The following GFM1 variants were observed in gnomAD, a reference collection of about 807,000 sequenced individuals.
GFM1 encodes the protein G elongation factor mitochondrial 1, also known as elongation factor G, mitochondrial.
A neutral mutation model predicts 96.2 loss-of-function variants in GFM1; 62 were observed. The ratio of observed to expected loss-of-function variants is 0.64; its 90% CI spans 0.53 to 0.80. The LOEUF is 0.80. Among genes scored for constraint, GFM1 ranks in the 30% least tolerant of loss-of-function variants. GFM1 has a pLI of 0.00. For missense variants in GFM1, 852 were observed against 916.6 expected, an observed-to-expected ratio of 0.93 and a Z score of 0.91; for synonymous variants, 282 against 312.9, an observed-to-expected ratio of 0.90 and a Z score of 1.04.
At chr3:158,664,688 C>T (rs1256601177) in intron 11 of GFM1, among the ~76,000 whole-genome samples, 1 of 152,166 alleles carries the variant, frequency 6.6e-6, no homozygotes, top group Non-Finnish European at 1.5e-5. Context: ...TAATTGATAA[C>T]AATCTCCCCA....
intron 15 of GFM1, 156 bp downstream of exon 15, chr3:158,684,824 G>A: frequency 2.9e-6 from 2 of 693,760 alleles, no homozygotes; most frequent in Non-Finnish European, 5.0e-6. Context: ...TTGAGATCAA[G>A]GTAGATTATT....
rs1726345700 is a variant in GFM1 at position 158,691,810 on chromosome 3, T to C, written c.*343T>C. 3 of 216,318 alleles carry C rather than the reference T, an allele frequency of 1.4e-5. No homozygotes were observed. In the East Asian group the frequency reaches 3.7e-4, roughly 27 times the overall value. The allele number at this position is 216,318 out of a possible 1,614,324, so 13.4% of individuals were successfully genotyped here. On this transcript the variant is annotated 3_prime_UTR_variant, in exon 18 of 18. Coordinates refer to ENST00000486715, the MANE Select transcript of GFM1 (RefSeq NM_024996.7). ...TAGAATGTATGTTCATTTCCAAATT[T>C]TGTATCATAAGAGTTTTCAACATAG...
At chr3:158,675,493 A>T (rs1167368694) in intron 13 of GFM1, among the ~76,000 whole-genome samples, 2 of 152,040 alleles carry the variant, frequency 1.3e-5, no homozygotes, top group Non-Finnish European at 2.9e-5. Flanking sequence ...TTATTACATA[A>T]TGATAAAATA....
chr3:158,649,502 T>A (rs1297289774), intron 5 of GFM1: 1 of 233,938 alleles, frequency 4.3e-6, no homozygotes. Flanking sequence ...TGTGGACTTT[T>A]ATAGAGCAGC....
chr3:158,649,127 A>G lies in GFM1; in HGVS notation c.659A>G (p.Glu220Gly). The G allele has an allele frequency of 6.7e-7, 1 of 1,501,964 alleles. No individual in the cohort carries two copies. The highest frequency in any genetic ancestry group is 9.3e-7 in the Non-Finnish European group (1 of 1,078,810). 93.0% of individuals were successfully genotyped at this position (1,501,964 alleles called of 1,614,324 possible). ...NFKGIVDLIE[E>G]RAIYFDGDFG... ...AAAGGTATTGTAGATCTTATTGAGG[A>G]ACGAGCCATCTATTTTGATGGAGAC... The change falls in exon 5 of 18, where the codon GAA becomes GGA. Residue 220 changes from glutamate to glycine, a missense_variant. By Grantham distance (98) the Glu-to-Gly change is moderately conservative (BLOSUM62 -2). Coordinates refer to ENST00000486715, the MANE Select transcript of GFM1 (RefSeq NM_024996.7).
chr3:158,664,045 A>G (rs2082157), intron 11 of GFM1, among the ~76,000 whole-genome samples: 63,191 of 152,016 alleles, frequency 0.42, 14,289 homozygotes, highest in African/African-American at 0.6. Flanking sequence ...CCTTGAACAA[A>G]TCACTTAACC....
intron 5 of GFM1, chr3:158,649,678 T>G (rs569129267): frequency 1.8e-4 from 50 of 278,942 alleles, no homozygotes; most frequent in African/African-American, 1.0e-3. Flanking sequence ...GGTAACTTTT[T>G]GATGTGGTAT....
At chr3:158,670,967 A>G in intron 13 of GFM1, 1 of 1,539,016 alleles carries the variant, frequency 6.5e-7, no homozygotes. Flanking sequence ...TTTTTGTATA[A>G]TTTCTTCAAC....
chr3:158,668,315 T>C (rs1242696258), intron 13 of GFM1, among the ~76,000 whole-genome samples: 1 of 152,184 alleles, frequency 6.6e-6, no homozygotes, highest in Non-Finnish European at 1.5e-5. Context: ...ATAGTTGTTA[T>C]ATTACTTAGG....
At chr3:158,672,689 C>G in intron 13 of GFM1, 3 of 494,006 alleles carry the variant, frequency 6.1e-6, no homozygotes, top group Non-Finnish European at 1.1e-5. Context: ...GGGCTGACTG[C>G]TTCTGAGGCC....
Position 158,654,196 on chromosome 3 carries a change from T to C in GFM1, c.999-351T>C, listed in dbSNP as rs547576053. Among the ~76,000 whole-genome samples, 56 of 145,078 alleles carry C rather than the reference T, an allele frequency of 3.9e-4. No homozygotes were observed. The South Asian group carries it at 0.013, about 33-fold the overall frequency. On this transcript the variant is annotated intron_variant, in intron 7 of 17. Coordinates refer to ENST00000486715, the MANE Select transcript of GFM1 (RefSeq NM_024996.7). The stretch of plus-strand genomic sequence containing the variant: ...TCACTATGTAGTAACTAAGCTAAGC[T>C]CTAAAGACCTTTTTTTTTTTTTTTT...
chr3:158,690,025 G>A lies in GFM1; in HGVS notation c.1910-138G>A. 8.3e-6 allele frequency: 6 copies of A among 719,574 alleles called. No homozygotes were observed. The South Asian group carries it at 9.6e-5, about 11-fold the overall frequency. The allele number at this position is 719,574 out of a possible 1,614,324, so 44.6% of individuals were successfully genotyped here. A position where few individuals can be genotyped will look rare whatever the true frequency, so the allele number is the denominator to read the frequency against. On this transcript the variant is annotated intron_variant, in intron 15 of 17. Coordinates refer to ENST00000486715, the MANE Select transcript of GFM1 (RefSeq NM_024996.7). Reference sequence around the variant, plus strand: ...ACTGTTATTACTACAGGAAAAATGAGTCTAGGTCGAATATTTTAACCTTGC... The same window carrying A: ...ACTGTTATTACTACAGGAAAAATGAATCTAGGTCGAATATTTTAACCTTGC...
In GFM1 at chr3:158,660,964, G is replaced by A. The variant is rs747808389; in HGVS notation, c.1312G>A (p.Gly438Ser). 7.4e-6 allele frequency: 12 copies of A among 1,613,242 alleles called. No homozygotes were observed. Among genetic ancestry groups the A allele is most frequent in the South Asian group, 1.1e-5 (1 of 91,064 alleles). Residue 438 changes from glycine to serine, a missense_variant, in exon 10 of 18, where the codon GGC becomes AGC. Transcript: ENST00000486715. ...GDTFTDKANS[G>S]LSMESIHVPD... ...CACATTCACAGACAAAGCCAACAGC[G>A]GCCTTTCTATGGTAAGCCATTTAAT... is the stretch of plus-strand genomic sequence containing the variant.
Position 158,649,077 on chromosome 3 carries a change from A to G in GFM1, c.609A>G (p.Ile203Met), listed in dbSNP as rs1722079441. 1.9e-6 allele frequency: 3 copies of G among 1,565,764 alleles called. No individual in the cohort carries two copies. Among genetic ancestry groups the G allele is most frequent in the East Asian group, 2.2e-5 (1 of 44,640 alleles). ...KLNHNAAFMQIPMGLEGNFKG... is the reference protein window; with the variant it reads ...KLNHNAAFMQMPMGLEGNFKG... ...ATCATAATGCAGCGTTTATGCAGAT[A>G]CCCATGGGTTTGGAGGGTAATTTTA... Residue 203 changes from isoleucine to methionine, a missense_variant, in exon 5 of 18, where the codon ATA becomes ATG. Ile to Met is a conservative substitution (Grantham distance 10). Transcript: ENST00000486715.
Position 158,684,396 on chromosome 3 carries a change from A to AT in GFM1, c.1765-123dup, listed in dbSNP as rs1240710773. 3.0e-5 allele frequency: 26 copies of AT among 881,004 alleles called. No homozygotes were observed. The East Asian group carries it at 6.1e-4, about 21-fold the overall frequency. 54.6% of individuals were successfully genotyped at this position (881,004 alleles called of 1,614,324 possible). A position where few individuals can be genotyped will look rare whatever the true frequency, so the allele number is the denominator to read the frequency against. ...AGTTGTTAAACATTTTTAAAAAATT[A>AT]TTTTTGAGGGGTGAAATACAGCACA... On this transcript the variant is annotated intron_variant, in intron 14 of 17. Transcript: ENST00000486715.
At position 158,644,562 on chromosome 3, in the gene GFM1, C is replaced by A. The variant is rs116614958; in HGVS notation, c.-73C>A. 23 of 1,280,188 alleles carry A rather than the reference C, an allele frequency of 1.8e-5. No individual in the cohort carries two copies. The highest frequency in any genetic ancestry group is 9.0e-5 in the African/African-American group (6 of 66,736). The allele number at this position is 1,280,188 out of a possible 1,614,324, so 79.3% of individuals were successfully genotyped here. A position where few individuals can be genotyped will look rare whatever the true frequency, so the allele number is the denominator to read the frequency against. The stretch of plus-strand genomic sequence containing the variant: ...CATTGGCTGCCGGCGTGACTTTGAC[C>A]GCTTCCCGGTGCGTTACCGGCAGCT... On this transcript the variant is annotated 5_prime_UTR_variant, in exon 1 of 18. Coordinates refer to ENST00000486715, the MANE Select transcript of GFM1 (RefSeq NM_024996.7).
At chr3:158,660,573 A>C in intron 9 of GFM1, 2 of 366,124 alleles carry the variant, frequency 5.5e-6, no homozygotes, top group Non-Finnish European at 1.0e-5. Context: ...ATTCCATAGA[A>C]ATAACTTTAG....
chr3:158,687,588 C>T (rs1725967413), intron 15 of GFM1, among the ~76,000 whole-genome samples: 1 of 152,098 alleles, frequency 6.6e-6, no homozygotes, highest in Non-Finnish European at 1.5e-5. Context: ...CTGCCTCAGC[C>T]TCCCAAGTAG....
intron 13 of GFM1, among the ~76,000 whole-genome samples, chr3:158,675,323 A>T (rs1020831337): frequency 6.7e-6 from 1 of 150,148 alleles, no homozygotes; most frequent in Non-Finnish European, 1.5e-5. Flanking sequence ...AGTTTTCAAG[A>T]TAAAAGAGGA....
Sources: allele counts gnomAD v4.1 joint callset (sites outside exome capture counted in the v4.1 genomes callset), GRCh38; gene constraint gnomAD v4.1.1; transcripts MANE v1.5; gene names NCBI Gene and HGNC (gene_info 2026-07-23, HGNC 2026-07-21).